Variants in ATP10B observed in about 807,000 individuals in gnomAD.
ATP10B encodes phospholipid-transporting ATPase VB.
Under a neutral mutation model 141.2 loss-of-function variants are expected in ATP10B, and 122 were observed. That is an observed-to-expected ratio of 0.86 (90% confidence interval 0.75 to 1.00). The LOEUF is 1.00. Ranked by LOEUF, ATP10B falls within the 50% of genes least tolerant of loss-of-function variation. The probability of loss-of-function intolerance (pLI) is 0.00; values close to 1 mark genes in which losing one functional copy is unlikely to be tolerated. For synonymous variants in ATP10B, 685 were observed against 692.0 expected (o/e 0.99, Z 0.16); for missense variants, 1,876 against 1,825.3 (o/e 1.03, Z -0.51).
chr5:160,614,956 C>T (rs760140033), intron 17 of ATP10B, among the ~76,000 whole-genome samples: 18 of 152,198 alleles, frequency 1.2e-4, no homozygotes, highest in Non-Finnish European at 2.5e-4. Context: ...GGTGTGAGGA[C>T]ATTAATCCTG....
At chr5:160,848,246 A>C (rs1321788797) in intron 1 of ATP10B, among the ~76,000 whole-genome samples, 1 of 152,196 alleles carries the variant, frequency 6.6e-6, no homozygotes, top group Non-Finnish European at 1.5e-5. Context: ...CTGACTTCAA[A>C]GTGAGATTTG....
At chr5:160,640,222 G>T (rs1759735109) in intron 10 of ATP10B, among the ~76,000 whole-genome samples, 1 of 152,206 alleles carries the variant, frequency 6.6e-6, no homozygotes, top group Admixed American at 6.5e-5. Context: ...CTACGAGAGT[G>T]CCTGTGTTCA....
rs374261198 is a variant in ATP10B at position 160,622,543 on chromosome 5, G to A, written c.1663C>T (p.Arg555Ter). The A allele has an allele frequency of 4.3e-6, 7 of 1,613,546 alleles. No homozygotes were observed. Among genetic ancestry groups the A allele is most frequent in the South Asian group, 2.2e-5 (2 of 90,994 alleles). ...GTCTCCAACCACAGGGCAGCATCTC[G>A]AACCTTGGTCAGTAGGTTTTTATCT... ...TPDKNLLTKVRDAALWLETLS... is the reference protein window; with the variant it reads ...TPDKNLLTKV Residue 555 changes from arginine to a stop codon, truncating the protein, a stop_gained, in exon 14 of 26, where the codon CGA becomes TGA. Coordinates refer to ENST00000327245, the MANE Select transcript of ATP10B (RefSeq NM_025153.3). LOFTEE classifies it high-confidence loss of function.
At chr5:160,666,646 G>A (rs961781040) in intron 7 of ATP10B, among the ~76,000 whole-genome samples, 12 of 152,050 alleles carry the variant, frequency 7.9e-5, no homozygotes, top group African/African-American at 2.9e-4. Context: ...AATACGTTAG[G>A]GAAATCCTAT....
chr5:160,876,775 G>A, the ATP10B span, among the ~76,000 whole-genome samples: 1 of 151,090 alleles, frequency 6.6e-6, no homozygotes, highest in Non-Finnish European at 1.5e-5. Flanking sequence ...AAATAAACTA[G>A]AAAATCTAGA....
At chr5:160,600,780 C>A (rs10515814) in intron 21 of ATP10B, among the ~76,000 whole-genome samples, 1 of 152,172 alleles carries the variant, frequency 6.6e-6, no homozygotes, top group East Asian at 1.9e-4. Context: ...AGCTACAGTG[C>A]GGTAATTAAT....
At chr5:160,682,503 C>G (rs1271340211) in intron 6 of ATP10B, among the ~76,000 whole-genome samples, 1 of 152,160 alleles carries the variant, frequency 6.6e-6, no homozygotes, top group Non-Finnish European at 1.5e-5. Flanking sequence ...CTAGGTCCTG[C>G]CAGCTCCCAG....
chr5:160,908,815 T>C, the ATP10B span, among the ~76,000 whole-genome samples: 4 of 152,186 alleles, frequency 2.6e-5, no homozygotes, highest in Admixed American at 2.0e-4. Context: ...GCTATACAGT[T>C]TGATGCTTAT....
intron 10 of ATP10B, 121 bp downstream of exon 10, chr5:160,640,340 G>A (rs983443259): frequency 1.3e-5 from 15 of 1,120,446 alleles, no homozygotes; most frequent in East Asian, 7.3e-5. Context: ...TTGGCATCCC[G>A]TTAAAGTGGG....
Position 160,732,057 on chromosome 5 carries a change from C to A in ATP10B, c.-330-15023G>T, listed in dbSNP as rs150598560. 1.9e-3 allele frequency among the ~76,000 whole-genome samples: 287 copies of A among 151,918 alleles called. 5 individuals are homozygous for A. Among genetic ancestry groups the A allele is most frequent in the African/African-American group, 6.7e-3 (278 of 41,412 alleles). ...AACTCAGGCCAATACAAAAAAGTGA[C>A]CTAGATGTTGGAATTAATGACATGA... On this transcript the variant is annotated intron_variant, in intron 2 of 25. Transcript: ENST00000327245.
chr5:160,878,403 A>C, the ATP10B span, among the ~76,000 whole-genome samples: 8 of 151,842 alleles, frequency 5.3e-5, no homozygotes, highest in Non-Finnish European at 7.4e-5. Flanking sequence ...TAAAGACTTA[A>C]ACGTTAGACC....
chr5:160,649,101 A>T, intron 8 of ATP10B, 70 bp downstream of exon 8: 3 of 1,149,864 alleles, frequency 2.6e-6, no homozygotes, highest in Non-Finnish European at 3.9e-6. Context: ...TTGTTTGGTC[A>T]TTTCTAGACA....
the ATP10B span, among the ~76,000 whole-genome samples, chr5:160,901,698 A>G: frequency 6.6e-6 from 1 of 152,200 alleles, no homozygotes; most frequent in South Asian, 2.1e-4. Context: ...TGAAACTAAG[A>G]TGGTTGAATA....
chr5:160,606,306 CA>C (rs1295049490), intron 19 of ATP10B, among the ~76,000 whole-genome samples: 1 of 152,124 alleles, frequency 6.6e-6, no homozygotes. Context: ...TAGAAATAAA[CA>C]CACAAATTAA....
chr5:160,694,898 G>C (rs1457884849), intron 3 of ATP10B, among the ~76,000 whole-genome samples: 1 of 152,102 alleles, frequency 6.6e-6, no homozygotes, highest in African/African-American at 2.4e-5. Context: ...AATCACAACA[G>C]GTTTAAAGAT....
the ATP10B span, among the ~76,000 whole-genome samples, chr5:160,918,948 G>A: frequency 7.3e-5 from 11 of 151,124 alleles, no homozygotes; most frequent in Admixed American, 2.0e-4. Context: ...GGAGTGGGCC[G>A]GGCGCGGTGG....
intron 1 of ATP10B, among the ~76,000 whole-genome samples, chr5:160,821,688 C>T (rs555176157): frequency 1.1e-3 from 173 of 152,060 alleles, no homozygotes; most frequent in African/African-American, 3.9e-3. Context: ...GAATAGAGAG[C>T]CCAGAGTTAA....
At chr5:160,897,206 GA>G in the ATP10B span, among the ~76,000 whole-genome samples, 1 of 152,196 alleles carries the variant, frequency 6.6e-6, no homozygotes, top group Non-Finnish European at 1.5e-5. Flanking sequence ...AATCAGGCAT[GA>G]GAAAGAAATA....
chr5:160,823,134 A>T (rs1033685584), intron 1 of ATP10B, among the ~76,000 whole-genome samples: 1 of 150,560 alleles, frequency 6.6e-6, no homozygotes, highest in South Asian at 2.1e-4. Context: ...TTGCATGCCT[A>T]TATCAAAATA....
Sources: allele counts gnomAD v4.1 joint callset (sites outside exome capture counted in the v4.1 genomes callset), GRCh38; gene constraint gnomAD v4.1.1; transcripts MANE v1.5; gene names NCBI Gene and HGNC (gene_info 2026-07-23, HGNC 2026-07-21).